Variants in ADGRL2 observed in about 807,000 individuals in gnomAD.
ADGRL2 encodes calcium-independent alpha-latrotoxin receptor 2.
ADGRL2 carries 44 observed loss-of-function variants against 157.4 expected under a neutral mutation model. That is an observed-to-expected ratio of 0.28 (90% CI 0.22 to 0.36). ADGRL2 has a LOEUF of 0.36. Among genes scored for constraint, ADGRL2 ranks in the 10% least tolerant of loss-of-function variants. The pLI is 1.00. For synonymous variants in ADGRL2, 585 were observed against 624.7 expected, an observed-to-expected ratio of 0.94 and a Z score of 0.95; for missense variants, 1,510 against 1,768.9, an observed-to-expected ratio of 0.85 and a Z score of 2.63.
rs1441985414 is a variant in ADGRL2, at chr1:81,905,974, G to GTC, written c.74-1042_74-1041insCT. On this transcript the variant is annotated intron_variant, in intron 2 of 23. Coordinates refer to ENST00000686636, the MANE Select transcript of ADGRL2 (RefSeq NM_001366006.2). ...TGTGTGTGTGTGTGTGTGTGTGTGT[G>GTC]TGTGTGTGTGTGTACATATAAAAGT... Among the ~76,000 whole-genome samples the GTC allele has an allele frequency of 9.1e-4, 138 of 151,078 alleles. 1 individual carries two copies. Among genetic ancestry groups the GTC allele is most frequent in the African/African-American group, 3.2e-3 (131 of 41,430 alleles).
At chr1:81,987,165 G>T in intron 22 of ADGRL2, 136 bp downstream of exon 22, 2 of 1,319,652 alleles carry the variant, frequency 1.5e-6, no homozygotes, top group Non-Finnish European at 2.1e-6. Context: ...AAAAATTACG[G>T]TATTGTCTAT....
At chr1:81,462,828 A>G (rs554625860) in intron 2 of ADGRL2, among the ~76,000 whole-genome samples, 32 of 152,262 alleles carry the variant, frequency 2.1e-4, no homozygotes, top group Middle Eastern at 6.8e-3. Flanking sequence ...GGACAGAAAA[A>G]TAAGTTGGCT....
rs1651650668 is a variant in ADGRL2, at chr1:81,951,114, C to T, written c.1601C>T (p.Ala534Val). ...ACCTCACACTGGGTGAATCAGCTGG[C>T]TCAGAAGGTTGGTTGGAACCTTTTA... is the stretch of plus-strand genomic sequence containing the variant. ...NCTSHWVNQL[A>V]QKIRSGENAA... Residue 534 changes from alanine to valine, a missense_variant, in exon 8 of 24, where the codon GCT (alanine) becomes GTT (valine). Coordinates refer to ENST00000686636, the MANE Select transcript of ADGRL2 (RefSeq NM_001366006.2). 6.2e-7 allele frequency: 1 copy of T among 1,610,766 alleles called. No individual in the cohort carries two copies. Among genetic ancestry groups the T allele is most frequent in the Non-Finnish European group, 8.5e-7 (1 of 1,177,254 alleles).
At chr1:81,446,379 T>C (rs1013160066) in intron 2 of ADGRL2, among the ~76,000 whole-genome samples, 19 of 152,176 alleles carry the variant, frequency 1.2e-4, no homozygotes, top group Admixed American at 1.0e-3. Flanking sequence ...GGCACAGTTC[T>C]TCCAGATCAC....
At chr1:81,498,017 T>C (rs993811664) in intron 2 of ADGRL2, among the ~76,000 whole-genome samples, 1 of 152,120 alleles carries the variant, frequency 6.6e-6, no homozygotes, top group Admixed American at 6.5e-5. Context: ...TCATCCTGGC[T>C]AACATGGTGA....
At chr1:81,335,468 C>T (rs951945270) in intron 1 of ADGRL2, among the ~76,000 whole-genome samples, 3 of 152,194 alleles carry the variant, frequency 2.0e-5, no homozygotes, top group African/African-American at 7.2e-5. Context: ...GAAGTCTACA[C>T]AAGCCAAACC....
intron 19 of ADGRL2, 98 bp from the exon 20 acceptor site, chr1:81,984,485 C>CT: frequency 8.0e-7 from 1 of 1,256,086 alleles, no homozygotes; most frequent in Non-Finnish European, 1.1e-6. Context: ...TTTAGTGGAA[C>CT]TTTAATTCTT....
intron 3 of ADGRL2, among the ~76,000 whole-genome samples, chr1:81,618,217 A>G (rs745658466): frequency 3.3e-5 from 5 of 152,218 alleles, no homozygotes; most frequent in African/African-American, 4.8e-5. Context: ...ACATTTAGCT[A>G]TATCAAATCC....
chr1:81,629,050 T>C (rs953939030), intron 3 of ADGRL2, among the ~76,000 whole-genome samples: 39 of 152,326 alleles, frequency 2.6e-4, no homozygotes. Flanking sequence ...TAGTAGAGTA[T>C]CTGCCAATAG....
chr1:81,700,109 G>A (rs1245049432), intron 1 of ADGRL2, among the ~76,000 whole-genome samples: 4 of 152,160 alleles, frequency 2.6e-5, no homozygotes, highest in East Asian at 1.9e-4. Flanking sequence ...CTCATCTCCC[G>A]AGGCCCTACA....
intron 1 of ADGRL2, among the ~76,000 whole-genome samples, chr1:81,324,273 G>T (rs530236491): frequency 1.3e-5 from 2 of 152,150 alleles, no homozygotes; most frequent in South Asian, 2.1e-4. Flanking sequence ...GGAGGCCAAG[G>T]CAGGGAAATC....
chr1:81,636,085 A>C (rs2082109714), intron 3 of ADGRL2, among the ~76,000 whole-genome samples: 1 of 152,164 alleles, frequency 6.6e-6, no homozygotes, highest in African/African-American at 2.4e-5. Flanking sequence ...TAGAGGACCC[A>C]GTCAACATTT....
chr1:81,469,136 A>G (rs528101101), intron 2 of ADGRL2, among the ~76,000 whole-genome samples: 24 of 152,314 alleles, frequency 1.6e-4, no homozygotes, highest in South Asian at 8.3e-4. Flanking sequence ...AATCTTTCAG[A>G]AATTCTAAGA....
chr1:81,743,398 T>G (rs942456905), intron 1 of ADGRL2, among the ~76,000 whole-genome samples: 7 of 151,112 alleles, frequency 4.6e-5, no homozygotes, highest in East Asian at 3.9e-4. Flanking sequence ...AGAAGGTTTT[T>G]TTTTTTTTTT....
At chr1:81,916,593 C>A (rs1250224993) in intron 3 of ADGRL2, among the ~76,000 whole-genome samples, 5 of 151,794 alleles carry the variant, frequency 3.3e-5, no homozygotes, top group Non-Finnish European at 5.9e-5. Flanking sequence ...TGTAATGTCA[C>A]TTAAGAATTT....
chr1:81,375,074 C>G (rs1344319004), intron 1 of ADGRL2, among the ~76,000 whole-genome samples: 1 of 152,186 alleles, frequency 6.6e-6, no homozygotes, highest in African/African-American at 2.4e-5. Flanking sequence ...AGACAACATG[C>G]TAGTTTTCTG....
chr1:81,389,733 A>G (rs2076500102), intron 1 of ADGRL2, among the ~76,000 whole-genome samples: 1 of 152,164 alleles, frequency 6.6e-6, no homozygotes, highest in Admixed American at 6.6e-5. Context: ...TGTTTATCTA[A>G]AATACAAAAT....
chr1:81,839,855 A>G (rs2092471112), intron 2 of ADGRL2, among the ~76,000 whole-genome samples: 1 of 141,754 alleles, frequency 7.1e-6, no homozygotes, highest in Admixed American at 7.2e-5. Context: ...TCCATCATAT[A>G]TATATATATT....
intron 1 of ADGRL2, among the ~76,000 whole-genome samples, chr1:81,372,803 C>T (rs1259062390): frequency 6.6e-6 from 1 of 152,166 alleles, no homozygotes; most frequent in Non-Finnish European, 1.5e-5. Context: ...GACCCAGGCA[C>T]ACAGATTGAT....
Sources: gnomAD v4.1 joint callset for allele counts (sites outside exome capture counted in the v4.1 genomes callset) on GRCh38, gnomAD v4.1.1 for gene constraint, MANE v1.5 for transcripts, NCBI Gene and HGNC (gene_info 2026-07-23, HGNC 2026-07-21) for gene names.